Variants in IGSF11 observed in about 807,000 individuals in gnomAD.
IGSF11 encodes immunoglobulin superfamily member 11.
Under a neutral mutation model 41.0 loss-of-function variants are expected in IGSF11, and 22 were observed. The observed-to-expected ratio is 0.54, with a 90% CI of 0.38 to 0.77. The LOEUF (loss-of-function observed/expected upper bound fraction) is 0.77. IGSF11 is among the 30% of genes least tolerant of loss of function. The pLI is 0.00. For synonymous variants in IGSF11, 219 were observed against 201.3 expected (o/e 1.09, Z -0.74); for missense variants, 444 against 530.8 (o/e 0.84, Z 1.61).
chr3:118,963,117 G>A (rs181528365), intron 1 of IGSF11, among the ~76,000 whole-genome samples: 3 of 152,272 alleles, frequency 2.0e-5, no homozygotes, highest in Admixed American at 6.5e-5. Context: ...TGTGGTCCCT[G>A]AACCACAGGC....
intron 4 of IGSF11, 126 bp from the exon 5 acceptor site, chr3:118,905,844 G>A (rs1939529181): frequency 1.5e-5 from 15 of 1,021,402 alleles, no homozygotes; most frequent in Non-Finnish European, 2.0e-5. Flanking sequence ...TTTTGTGGGG[G>A]TAGGGTGAGA....
At chr3:119,012,681 TTGAAAC>T (rs1938266077) in intron 1 of IGSF11, 1 of 152,216 alleles carries the variant, frequency 6.6e-6, no homozygotes, top group Non-Finnish European at 1.5e-5. Context: ...TATTTTTGCT[TTGAAAC>T]AGAAATTATA....
At chr3:119,058,803 G>A (rs1317271125) in intron 1 of IGSF11, among the ~76,000 whole-genome samples, 1 of 151,830 alleles carries the variant, frequency 6.6e-6, no homozygotes, top group Non-Finnish European at 1.5e-5. Flanking sequence ...CATAAAAAAT[G>A]ATGAGTTCAT....
intron 1 of IGSF11, among the ~76,000 whole-genome samples, chr3:118,954,388 C>CT (rs1026549362): frequency 7.9e-5 from 12 of 151,936 alleles, no homozygotes; most frequent in Non-Finnish European, 1.5e-4. Flanking sequence ...GCTATGAAGG[C>CT]TTTTTTGGGG....
intron 1 of IGSF11, among the ~76,000 whole-genome samples, chr3:119,005,444 G>T (rs1438233949): frequency 6.6e-6 from 1 of 150,738 alleles, no homozygotes; most frequent in Non-Finnish European, 1.5e-5. Context: ...CTTTTAATTG[G>T]AGCATTTAGT....
chr3:119,102,290 G>A (rs915848174), intron 1 of IGSF11, among the ~76,000 whole-genome samples: 1 of 152,150 alleles, frequency 6.6e-6, no homozygotes, highest in Non-Finnish European at 1.5e-5. Context: ...TTCACTAAAA[G>A]GATAACATCT....
chr3:119,116,733 C>A (rs1217969369), intron 1 of IGSF11, among the ~76,000 whole-genome samples: 1 of 152,178 alleles, frequency 6.6e-6, no homozygotes, highest in African/African-American at 2.4e-5. Flanking sequence ...ATAAGATATG[C>A]AAATTCACCA....
intron 3 of IGSF11, among the ~76,000 whole-genome samples, chr3:118,927,706 A>G (rs140207021): frequency 1.3e-5 from 2 of 152,332 alleles, no homozygotes; most frequent in African/African-American, 4.8e-5. Context: ...AGAATCAAGA[A>G]CATCAACCTT....
chr3:119,137,274 A>G (rs1475849418), intron 1 of IGSF11, among the ~76,000 whole-genome samples: 2 of 152,168 alleles, frequency 1.3e-5, no homozygotes, highest in African/African-American at 4.8e-5. Flanking sequence ...AAGCTATCCT[A>G]AGCAAAAAGA....
chr3:118,970,031 G>A (rs1399026290), intron 1 of IGSF11, among the ~76,000 whole-genome samples: 2 of 152,120 alleles, frequency 1.3e-5, no homozygotes, highest in East Asian at 1.9e-4. Context: ...TGGGAAATTT[G>A]CAAAGTTGCC....
intron 1 of IGSF11, among the ~76,000 whole-genome samples, chr3:119,007,318 C>T (rs1297088890): frequency 1.4e-5 from 2 of 140,282 alleles, no homozygotes; most frequent in Admixed American, 7.0e-5. Context: ...CGCCCTGCTT[C>T]GGCTCGCGCA....
chr3:118,986,720 G>A lies in IGSF11; in HGVS notation c.52+47811C>T, dbSNP rs182234137. Among the ~76,000 whole-genome samples, 77 of 152,272 alleles carry A rather than the reference G, an allele frequency of 5.1e-4. 1 individual carries two copies. Among genetic ancestry groups the A allele is most frequent in the African/African-American group, 1.8e-3 (74 of 41,542 alleles). On this transcript the variant is annotated intron_variant, in intron 1 of 6. Transcript: ENST00000393775. ...CCTTCCAGGATTTTCTAGCTGGAAAGGATGGGTTCATATTGAAATATAGGT... is the reference window on the plus strand; with the variant it reads ...CCTTCCAGGATTTTCTAGCTGGAAAAGATGGGTTCATATTGAAATATAGGT...
At chr3:119,126,209 T>C (rs2077403280) in intron 1 of IGSF11, among the ~76,000 whole-genome samples, 1 of 152,238 alleles carries the variant, frequency 6.6e-6, no homozygotes, top group South Asian at 2.1e-4. Context: ...CTGGACGGCT[T>C]GGTCCCAATA....
chr3:119,045,729 C>A (rs373893448), intron 1 of IGSF11, among the ~76,000 whole-genome samples: 3 of 151,872 alleles, frequency 2.0e-5, no homozygotes, highest in Non-Finnish European at 4.4e-5. Context: ...AACCTCTGCA[C>A]ACTTAAATGT....
At chr3:118,935,997 G>T (rs1038421187) in intron 1 of IGSF11, among the ~76,000 whole-genome samples, 2 of 151,968 alleles carry the variant, frequency 1.3e-5, no homozygotes, top group East Asian at 3.9e-4. Flanking sequence ...TTCCTCTTTA[G>T]TATATTGATA....
chr3:119,112,924 A>C (rs2077202440), intron 1 of IGSF11: 1 of 152,398 alleles, frequency 6.6e-6, no homozygotes, highest in African/African-American at 2.4e-5. Flanking sequence ...GGCCTCAGGA[A>C]ACTTACAATC....
chr3:119,112,005 G>C (rs2077171714), intron 1 of IGSF11, among the ~76,000 whole-genome samples: 1 of 152,176 alleles, frequency 6.6e-6, no homozygotes, highest in South Asian at 2.1e-4. Context: ...GCCCCCACTG[G>C]GTGGTGCCTC....
chr3:118,993,608 T>C (rs1208238332), intron 1 of IGSF11, among the ~76,000 whole-genome samples: 1 of 152,214 alleles, frequency 6.6e-6, no homozygotes, highest in Non-Finnish European at 1.5e-5. Flanking sequence ...ACAACCCAAA[T>C]GTCCATCAAC....
chr3:119,088,460 T>A (rs377730260), intron 1 of IGSF11, among the ~76,000 whole-genome samples: 1 of 150,448 alleles, frequency 6.6e-6, no homozygotes, highest in Non-Finnish European at 1.5e-5. Context: ...CCTAAACACC[T>A]TCATCAAGAA....
Sources: gnomAD v4.1 joint callset for allele counts (sites outside exome capture counted in the v4.1 genomes callset) on GRCh38, gnomAD v4.1.1 for gene constraint, MANE v1.5 for transcripts, NCBI Gene and HGNC (gene_info 2026-07-23, HGNC 2026-07-21) for gene names.